Variants in DDX19B observed in about 807,000 individuals in gnomAD.
The protein encoded by DDX19B is ATP-dependent RNA helicase DDX19B.
In DDX19B, 27 loss-of-function variants were observed where a neutral mutation model predicts 58.1. The ratio of observed to expected loss-of-function variants is 0.46; its 90% CI spans 0.34 to 0.64. DDX19B has a LOEUF of 0.64. DDX19B is among the 30% of genes least tolerant of loss of function. DDX19B has a pLI of 0.01. For synonymous variants in DDX19B, 187 were observed against 214.4 expected (o/e 0.87, Z 1.12); for missense variants, 399 against 596.5 (o/e 0.67, Z 3.45).
intron 7 of DDX19B, among the ~76,000 whole-genome samples, chr16:70,327,200 C>T (rs374018280): frequency 2.0e-5 from 3 of 151,824 alleles, no homozygotes; most frequent in Non-Finnish European, 2.9e-5. Flanking sequence ...ACTCCAGGCA[C>T]GAGCCACCGT....
At chr16:70,323,428 C>CTT (rs1332976111) in intron 5 of DDX19B, among the ~76,000 whole-genome samples, 7 of 141,240 alleles carry the variant, frequency 5.0e-5, no homozygotes, top group African/African-American at 1.8e-4. Context: ...TTTCTTTTTT[C>CTT]TTTTTTTTTT....
chr16:70,304,518 G>A (rs1046226714), intron 1 of DDX19B, among the ~76,000 whole-genome samples: 20 of 140,932 alleles, frequency 1.4e-4, no homozygotes, highest in African/African-American at 5.7e-4. Context: ...GATTACAGGC[G>A]CCTGCCACCA....
chr16:70,330,806 G>A (rs1008708520), intron 9 of DDX19B, among the ~76,000 whole-genome samples: 3 of 151,908 alleles, frequency 2.0e-5, no homozygotes, highest in Non-Finnish European at 2.9e-5. Context: ...CCTTTTGAGA[G>A]GCTGAGGTGG....
At chr16:70,329,805 C>T (rs1963385296) in intron 8 of DDX19B, 26 bp from the exon 9 acceptor site, 1 of 1,613,572 alleles carries the variant, frequency 6.2e-7, no homozygotes. Flanking sequence ...CCACCTGGGG[C>T]CACCTACCAG....
At chr16:70,299,074 C>A, upstream of DDX19B, 1 of 1,195,756 alleles carries the variant, frequency 8.4e-7, no homozygotes, top group Non-Finnish European at 1.1e-6. Context: ...TTGCTCTGCC[C>A]GGGGTTGAGG....
At chr16:70,330,179 G>T in intron 9 of DDX19B, 111 bp downstream of exon 9, 1 of 1,290,976 alleles carries the variant, frequency 7.7e-7, no homozygotes, top group Non-Finnish European at 1.1e-6. Context: ...GAAGTGGTTT[G>T]TTCTCCTAAG....
At chr16:70,312,744 G>T in intron 2 of DDX19B, 87 bp downstream of exon 2, 1 of 1,162,722 alleles carries the variant, frequency 8.6e-7, no homozygotes, top group African/African-American at 1.5e-5. Flanking sequence ...AAAAAAATTT[G>T]TATTTGTACC....
intron 1 of DDX19B, among the ~76,000 whole-genome samples, chr16:70,309,087 G>A (rs62049429): frequency 0.018 from 2,731 of 151,678 alleles, 51 homozygotes; most frequent in Non-Finnish European, 0.021. Context: ...CAGTTGAATG[G>A]TTTCCTTTTT....
In DDX19B at chr16:70,317,466, T is replaced by C. The variant is rs1260989236; in HGVS notation, c.297-30T>C. The C allele has an allele frequency of 6.4e-6, 10 of 1,568,206 alleles. No individual in the cohort carries two copies. In the East Asian group the frequency reaches 2.0e-4, roughly 32 times the overall value. On this transcript the variant is annotated intron_variant, in intron 4 of 11. Transcript: ENST00000288071. The stretch of plus-strand genomic sequence containing the variant: ...TGCTGCTTTCCTCAACCAAAGAGAC[T>C]GTGACTTTCATCTTTAACTGTTTTT...
chr16:70,326,463 C>T (rs1430850306), intron 7 of DDX19B, among the ~76,000 whole-genome samples: 1 of 152,212 alleles, frequency 6.6e-6, no homozygotes. Context: ...GGCGACAGAG[C>T]GAGACTCCGT....
At chr16:70,310,726 T>C (rs1412871753) in intron 1 of DDX19B, among the ~76,000 whole-genome samples, 2 of 152,126 alleles carry the variant, frequency 1.3e-5, no homozygotes, top group African/African-American at 2.4e-5. Flanking sequence ...AGATGCTTTC[T>C]GACCTTTAAA....
chr16:70,302,432 T>C (rs970043635), intron 1 of DDX19B, among the ~76,000 whole-genome samples: 3 of 152,266 alleles, frequency 2.0e-5, no homozygotes, highest in South Asian at 4.1e-4. Flanking sequence ...GCTGCTGATA[T>C]GTTTTCTGTC....
intron 1 of DDX19B, among the ~76,000 whole-genome samples, chr16:70,305,727 GTTTT>G (rs371929997): frequency 0.049 from 7,417 of 151,784 alleles, 237 homozygotes; most frequent in Non-Finnish European, 0.067. Context: ...GTTCTGAGAG[GTTTT>G]TTGTTTTTTT....
rs12325419 is a variant in DDX19B, at chr16:70,335,006, G to A, written c.*1424G>A. 0.099 allele frequency: 15,104 copies of A among 152,148 alleles called. 878 individuals are homozygous for A. Among genetic ancestry groups the A allele is most frequent in the South Asian group, 0.17 (814 of 4,812 alleles). The allele number at this position is 152,148 out of a possible 1,614,324, so 9.4% of individuals were successfully genotyped here. On this transcript the variant is annotated 3_prime_UTR_variant, in exon 12 of 12. Transcript: ENST00000288071. ...CTAGGTCTTCTTTGTACGCATCTCC[G>A]TATTTAGGCCAGATCTGCCTCCTGG...
chr16:70,312,727 T>A, intron 2 of DDX19B, 70 bp downstream of exon 2: 1 of 1,381,656 alleles, frequency 7.2e-7, no homozygotes, highest in Non-Finnish European at 1.0e-6. Context: ...GCATAACAAC[T>A]GTCTGGAAAA....
intron 9 of DDX19B, among the ~76,000 whole-genome samples, chr16:70,331,240 G>A (rs919140140): frequency 1.1e-4 from 17 of 151,988 alleles, no homozygotes; most frequent in Admixed American, 1.1e-3. Context: ...TAGAGGTGGG[G>A]TCTTGCTATG....
intron 10 of DDX19B, among the ~76,000 whole-genome samples, chr16:70,332,706 G>A (rs1163217093): frequency 6.6e-6 from 1 of 151,802 alleles, no homozygotes; most frequent in Non-Finnish European, 1.5e-5. Flanking sequence ...CAACTCTCAG[G>A]GACTCATTCA....
At chr16:70,314,650 C>T (rs1246375715) in intron 2 of DDX19B, among the ~76,000 whole-genome samples, 5 of 151,716 alleles carry the variant, frequency 3.3e-5, no homozygotes, top group Admixed American at 2.0e-4. Context: ...GGCGACAGAG[C>T]GAGACTCCAT....
intron 4 of DDX19B, chr16:70,317,278 G>A (rs1416979924): frequency 9.1e-6 from 3 of 329,862 alleles, no homozygotes; most frequent in Non-Finnish European, 1.7e-5. Context: ...CTATTCGCGA[G>A]GCTGAGGCAC....
Sources: allele counts gnomAD v4.1 joint callset (sites outside exome capture counted in the v4.1 genomes callset), GRCh38; gene constraint gnomAD v4.1.1; transcripts MANE v1.5; gene names NCBI Gene and HGNC (gene_info 2026-07-23, HGNC 2026-07-21).